Variants in COL4A2 observed in about 807,000 individuals in gnomAD.
The protein encoded by COL4A2 is collagen type IV alpha 2 chain.
In COL4A2, 99 loss-of-function variants were observed where a neutral mutation model predicts 200.2. The ratio of observed to expected loss-of-function variants is 0.49; its 90% CI spans 0.42 to 0.58. The LOEUF (loss-of-function observed/expected upper bound fraction) is 0.58, where lower values mean the gene tolerates loss of function less well. COL4A2 is among the 20% of genes least tolerant of loss of function. The pLI is 0.00. For synonymous variants in COL4A2, 897 were observed against 900.6 expected, an observed-to-expected ratio of 1.00 and a Z score of 0.07; for missense variants, 1,950 against 2,314.1, an observed-to-expected ratio of 0.84 and a Z score of 3.23.
rs1169420839 is a variant in COL4A2 at position 110,480,377 on chromosome 13, C to G, written c.2745C>G (p.Thr915=). The G allele has an allele frequency of 6.2e-7, 1 of 1,610,976 alleles. No individual in the cohort carries two copies. The highest frequency in any genetic ancestry group is 1.3e-5 in the African/African-American group (1 of 74,726). ...GFKGIDGMPG[T]PGLKGDRGSP... Reference sequence around the variant, plus strand: ...AAGGAATTGATGGAATGCCTGGGACCCCCGGGCTAAAAGGTAATTGTGTGA... The same window carrying G: ...AAGGAATTGATGGAATGCCTGGGACGCCCGGGCTAAAAGGTAATTGTGTGA... The change falls in exon 31 of 48, where the codon ACC becomes ACG. Residue 915 remains threonine, a synonymous_variant. Transcript: ENST00000360467.
chr13:110,509,266 T>TACACACACAC (rs1380212410), intron 47 of COL4A2, among the ~76,000 whole-genome samples: 1 of 118,318 alleles, frequency 8.5e-6, no homozygotes, highest in African/African-American at 3.9e-5. Context: ...TATATATATA[T>TACACACACAC]ATATACACAC....
In COL4A2 at chr13:110,478,182, C is replaced by T. The variant is rs1882766598; in HGVS notation, c.2587+18C>T. ...CCGTGAAGGTAAGACCCCAGCCCTC[C>T]CATAAACGAGTGGGGTCCTCACTGG... On this transcript the variant is annotated intron_variant, in intron 30 of 47. Transcript: ENST00000360467. The T allele has an allele frequency of 6.5e-7, 1 of 1,549,782 alleles. No homozygotes were observed. The highest frequency in any genetic ancestry group is 1.4e-5 in the African/African-American group (1 of 72,760).
intron 4 of COL4A2, among the ~76,000 whole-genome samples, chr13:110,365,042 G>T (rs746262656): frequency 5.3e-5 from 8 of 152,198 alleles, no homozygotes; most frequent in Non-Finnish European, 7.3e-5. Flanking sequence ...TTTGTTGAAT[G>T]AATACATATT....
At chr13:110,493,886 C>T (rs1883369013) in intron 39 of COL4A2, among the ~76,000 whole-genome samples, 1 of 152,170 alleles carries the variant, frequency 6.6e-6, no homozygotes, top group African/African-American at 2.4e-5. Context: ...TCCCCTGTCA[C>T]TTCTTATAAG....
chr13:110,500,368 A>G lies in COL4A2; in HGVS notation c.3761-1300A>G, dbSNP rs1023910226. ...TAATCTTGGTCCCCAGCCCGAGGTA[A>G]AACAAAAGGCTGAAGGTGCTTAGGA... On this transcript the variant is annotated intron_variant, in intron 40 of 47. Transcript: ENST00000360467. 2.6e-5 allele frequency among the ~76,000 whole-genome samples: 4 copies of G among 152,226 alleles called. No individual in the cohort carries two copies. The South Asian group carries it at 8.3e-4, about 32-fold the overall frequency.
intron 3 of COL4A2, among the ~76,000 whole-genome samples, chr13:110,348,438 C>A (rs1876810493): frequency 6.6e-6 from 1 of 152,224 alleles, no homozygotes; most frequent in Non-Finnish European, 1.5e-5. Context: ...TTCCATATAC[C>A]TTGCCCTGCT....
chr13:110,438,808 C>CCCCTCCA (rs1881008836), intron 15 of COL4A2, 140 bp downstream of exon 15: 3 of 603,618 alleles, frequency 5.0e-6, no homozygotes, highest in African/African-American at 2.8e-5. Flanking sequence ...CCCCACCCCC[C>CCCCTCCA]CCCACACACA....
At chr13:110,416,843 C>T (rs925992444) in intron 4 of COL4A2, among the ~76,000 whole-genome samples, 1 of 152,242 alleles carries the variant, frequency 6.6e-6, no homozygotes, top group African/African-American at 2.4e-5. Flanking sequence ...TCGGTCCTGA[C>T]CCACTTTCAG....
chr13:110,390,635 T>C (rs895668476), intron 4 of COL4A2, among the ~76,000 whole-genome samples: 18 of 152,216 alleles, frequency 1.2e-4, no homozygotes, highest in African/African-American at 4.1e-4. Context: ...CTGGAAACCA[T>C]TCTTTAGGGA....
intron 3 of COL4A2, among the ~76,000 whole-genome samples, chr13:110,336,709 A>G (rs762720304): frequency 2.0e-5 from 3 of 152,168 alleles, no homozygotes; most frequent in Non-Finnish European, 4.4e-5. Context: ...CAAGCAGCTC[A>G]TCTGGGAGCT....
At chr13:110,498,305 G>A (rs572873816) in intron 40 of COL4A2, among the ~76,000 whole-genome samples, 6 of 152,296 alleles carry the variant, frequency 3.9e-5, no homozygotes, top group Admixed American at 1.3e-4. Context: ...GAAACATAGC[G>A]TTGTTTTCAG....
At chr13:110,436,182 C>G (rs765341953) in intron 12 of COL4A2, 87 bp from the exon 13 acceptor site, 3 of 1,576,662 alleles carry the variant, frequency 1.9e-6, no homozygotes, top group Non-Finnish European at 2.6e-6. Context: ...ATTAAAACTG[C>G]AGTATTTTGG....
At chr13:110,356,060 G>C (rs889797250) in intron 3 of COL4A2, among the ~76,000 whole-genome samples, 7 of 149,138 alleles carry the variant, frequency 4.7e-5, no homozygotes, top group Non-Finnish European at 8.9e-5. Context: ...ATACTGTCAC[G>C]ATTTGAAAGG....
chr13:110,493,056 AAATAACGATGAGTGACACCCCCATGGGTG>A (rs1408020097), intron 38 of COL4A2, among the ~76,000 whole-genome samples, 126 bp from the exon 39 acceptor site: 7 of 50,186 alleles, frequency 1.4e-4, no homozygotes, highest in African/African-American at 4.2e-4. Flanking sequence ...CCCACAGGTG[AAATAACGATGAGTGACACCCCCATGGGTG>A]AAATAACGAT....
Position 110,506,403 on chromosome 13 carries a change from C to T in COL4A2, c.4403-12C>T. ...ACCAGGCCGTCCACTCTCTCTCTTTCTCGGGCTGCAGGTGCACCAGGCCGT... is the reference window on the plus strand; with the variant it reads ...ACCAGGCCGTCCACTCTCTCTCTTTTTCGGGCTGCAGGTGCACCAGGCCGT... On this transcript the variant is annotated splice_polypyrimidine_tract_variant and intron_variant, in intron 45 of 47. Transcript: ENST00000360467. 6.2e-7 allele frequency: 1 copy of T among 1,605,024 alleles called. No homozygotes were observed. Among genetic ancestry groups the T allele is most frequent in the Non-Finnish European group, 8.5e-7 (1 of 1,176,774 alleles).
intron 12 of COL4A2, among the ~76,000 whole-genome samples, chr13:110,435,707 A>G (rs1223683032): frequency 2.0e-5 from 3 of 152,272 alleles, no homozygotes; most frequent in Non-Finnish European, 4.4e-5. Context: ...ATAACGGTCC[A>G]GTAATGTTCT....
chr13:110,446,482 G>A (rs191619352), intron 17 of COL4A2, among the ~76,000 whole-genome samples: 90 of 152,288 alleles, frequency 5.9e-4, no homozygotes, highest in Admixed American at 2.8e-3. Flanking sequence ...AGGCGGCTCG[G>A]CTATCACTAC....
chr13:110,463,054 G>A (rs567407729), intron 24 of COL4A2: 1 of 154,478 alleles, frequency 6.5e-6, no homozygotes, highest in Non-Finnish European at 1.5e-5. Flanking sequence ...GTTTCCTGGG[G>A]CTGAGGTCAC....
intron 20 of COL4A2, among the ~76,000 whole-genome samples, chr13:110,452,120 T>G (rs1044127128): frequency 5.3e-5 from 8 of 151,280 alleles, no homozygotes; most frequent in South Asian, 2.1e-4. Context: ...AAAGTCTCTG[T>G]TTTGTTTGTT....
Sources: allele counts gnomAD v4.1 joint callset (sites outside exome capture counted in the v4.1 genomes callset), GRCh38; gene constraint gnomAD v4.1.1; transcripts MANE v1.5; gene names NCBI Gene and HGNC (gene_info 2026-07-23, HGNC 2026-07-21).